Variants in IL1RAPL2 observed in about 807,000 individuals in gnomAD.
IL1RAPL2 encodes the protein interleukin 1 receptor accessory protein like 2, also known as X-linked interleukin-1 receptor accessory protein-like 2.
In IL1RAPL2, 3 loss-of-function variants were observed where a neutral mutation model predicts 44.1. The observed-to-expected ratio is 0.07, with a 90% CI of 0.03 to 0.18. The LOEUF (loss-of-function observed/expected upper bound fraction) is 0.18. Ranked by LOEUF, IL1RAPL2 falls within the 10% of genes least tolerant of loss-of-function variation. The pLI is 1.00. For missense variants in IL1RAPL2, 391 were observed against 496.4 expected (o/e 0.79, Z 2.02); for synonymous variants, 181 against 178.8 (o/e 1.01, Z -0.10).
intron 2 of IL1RAPL2, among the ~76,000 whole-genome samples, chrX:104,952,212 T>G (rs1179275422): frequency 3.6e-5 from 4 of 112,224 alleles, no homozygotes; most frequent in African/African-American, 1.3e-4. Flanking sequence ...ACCATTAACA[T>G]TTTTAGAGTG....
chrX:105,301,709 T>A (rs2034699188), intron 5 of IL1RAPL2, among the ~76,000 whole-genome samples: 1 of 112,305 alleles, frequency 8.9e-6, no homozygotes, highest in Non-Finnish European at 1.9e-5. Flanking sequence ...GATCTCATTC[T>A]TTTTTTATGG....
intron 5 of IL1RAPL2, among the ~76,000 whole-genome samples, chrX:105,394,566 A>G (rs941046838): frequency 9.0e-6 from 1 of 110,737 alleles, no homozygotes; most frequent in African/African-American, 3.3e-5. Flanking sequence ...CTTCTAACCT[A>G]TTTAATTGCT....
intron 2 of IL1RAPL2, among the ~76,000 whole-genome samples, chrX:104,929,593 G>A (rs1285977258): frequency 9.0e-6 from 1 of 111,720 alleles, no homozygotes; most frequent in Non-Finnish European, 1.9e-5. Context: ...TTATTTGTCT[G>A]ACTCAAATCC....
chrX:104,676,263 C>T (rs2147535454), intron 2 of IL1RAPL2, among the ~76,000 whole-genome samples: 1 of 111,442 alleles, frequency 9.0e-6, no homozygotes, highest in African/African-American at 3.3e-5. Context: ...ATGTTTAGTG[C>T]TTCCTTCAGG....
chrX:105,075,845 A>G (rs1490785400), intron 2 of IL1RAPL2, among the ~76,000 whole-genome samples: 1 of 111,779 alleles, frequency 8.9e-6, no homozygotes. Context: ...TGTTTATGGT[A>G]TTCTCTGATG....
intron 2 of IL1RAPL2, among the ~76,000 whole-genome samples, chrX:104,953,430 T>C (rs764925352): frequency 8.9e-6 from 1 of 111,981 alleles, no homozygotes; most frequent in Non-Finnish European, 1.9e-5. Context: ...TATCCTACAG[T>C]ATCTATGTTT....
chrX:105,001,669 G>A (rs1262576235), intron 2 of IL1RAPL2, among the ~76,000 whole-genome samples: 2 of 111,436 alleles, frequency 1.8e-5, no homozygotes, highest in Non-Finnish European at 3.8e-5. Context: ...GGAAACCAAA[G>A]CAAAGGCATT....
intron 2 of IL1RAPL2, among the ~76,000 whole-genome samples, chrX:105,038,198 A>G (rs2031662475): frequency 1.4e-5 from 1 of 69,890 alleles, no homozygotes; most frequent in Non-Finnish European, 2.7e-5. Flanking sequence ...ACTCCAATAA[A>G]CTGAAACAGT....
In IL1RAPL2 at chrX:105,623,332, AAC is replaced by A. The variant is rs751333861; in HGVS notation, c.773-94022_773-94021del. On this transcript the variant is annotated intron_variant, in intron 6 of 10. Transcript: ENST00000372582. ...CTGTACTACCTTTATTAAGTGAGGT[AAC>A]ACACACACACACGTATATATATATA... 4.4e-3 allele frequency among the ~76,000 whole-genome samples: 482 copies of A among 109,304 alleles called. 3 individuals are homozygous for A. Among genetic ancestry groups the A allele is most frequent in the African/African-American group, 0.015 (440 of 30,189 alleles). 94.9% of individuals were successfully genotyped at this position (109,304 alleles called of 115,157 possible).
chrX:104,953,188 C>T (rs1925631429), intron 2 of IL1RAPL2, among the ~76,000 whole-genome samples: 1 of 111,399 alleles, frequency 9.0e-6, no homozygotes, highest in South Asian at 3.7e-4. Context: ...AGAGAGGTTA[C>T]AGAATTGAGG....
intron 5 of IL1RAPL2, among the ~76,000 whole-genome samples, 178 bp from the exon 6 acceptor site, chrX:105,484,135 C>T (rs2036250127): frequency 9.0e-6 from 1 of 111,534 alleles, no homozygotes; most frequent in Admixed American, 9.6e-5. Flanking sequence ...TCTAAATGTG[C>T]TGGGAAATGG....
intron 5 of IL1RAPL2, among the ~76,000 whole-genome samples, chrX:105,283,921 G>T (rs1311746877): frequency 9.0e-6 from 1 of 111,303 alleles, no homozygotes. Flanking sequence ...AACAGTATAA[G>T]AAAGCTACTT....
intron 6 of IL1RAPL2, among the ~76,000 whole-genome samples, chrX:105,692,303 C>T (rs753759960): frequency 5.4e-5 from 6 of 111,858 alleles, no homozygotes; most frequent in African/African-American, 1.6e-4. Flanking sequence ...GGCAAATAAA[C>T]GAAGACACAG....
chrX:104,911,495 C>G (rs1924236609), intron 2 of IL1RAPL2, among the ~76,000 whole-genome samples: 1 of 111,351 alleles, frequency 9.0e-6, no homozygotes, highest in Non-Finnish European at 1.9e-5. Flanking sequence ...CCTGTTGACT[C>G]TGCCTCTTAA....
At chrX:105,483,845 A>G (rs775719435) in intron 5 of IL1RAPL2, among the ~76,000 whole-genome samples, 5 of 111,372 alleles carry the variant, frequency 4.5e-5, no homozygotes, top group Non-Finnish European at 7.5e-5. Context: ...TGAAGATATC[A>G]TTGCTTTATT....
At position 105,226,507 on chromosome X, in the gene IL1RAPL2, C is replaced by T. The variant is rs181640463; in HGVS notation, c.357-7311C>T. Among the ~76,000 whole-genome samples, 5 of 100,895 alleles carry T rather than the reference C, an allele frequency of 5.0e-5. No homozygotes were observed. In the East Asian group the frequency reaches 1.7e-3, roughly 34 times the overall value. The allele number at this position is 100,895 out of a possible 115,157, so 87.6% of individuals were successfully genotyped here. On this transcript the variant is annotated intron_variant, in intron 3 of 10. Coordinates refer to ENST00000372582, the MANE Select transcript of IL1RAPL2 (RefSeq NM_017416.2). The stretch of plus-strand genomic sequence containing the variant: ...CCGCCTCCTGGGTTCAAGTGATTCT[C>T]GTGCCTCAGCCTCCTAAGTAGCTGG...
intron 6 of IL1RAPL2, among the ~76,000 whole-genome samples, chrX:105,709,906 G>A (rs2038194535): frequency 9.0e-6 from 1 of 111,682 alleles, no homozygotes; most frequent in African/African-American, 3.3e-5. Flanking sequence ...GCAACTTGGT[G>A]ACACAACTAT....
At chrX:104,567,388 C>T (rs1258409440) in intron 1 of IL1RAPL2, among the ~76,000 whole-genome samples, 1 of 112,562 alleles carries the variant, frequency 8.9e-6, no homozygotes, top group African/African-American at 3.2e-5. Context: ...AAGGCAATTT[C>T]CAACTGGGCG....
chrX:105,491,747 T>A (rs984178013), intron 6 of IL1RAPL2, among the ~76,000 whole-genome samples: 1 of 112,191 alleles, frequency 8.9e-6, no homozygotes, highest in Admixed American at 9.4e-5. Context: ...TATTTACAGC[T>A]TTGGAAAATC....
Sources: allele counts gnomAD v4.1 joint callset (sites outside exome capture counted in the v4.1 genomes callset), GRCh38; gene constraint gnomAD v4.1.1; transcripts MANE v1.5; gene names NCBI Gene and HGNC (gene_info 2026-07-23, HGNC 2026-07-21).